PTPN2: variants seen among roughly 807,000 people sequenced by gnomAD.
PTPN2 encodes protein tyrosine phosphatase non-receptor type 2.
In PTPN2, 19 loss-of-function variants were observed where a neutral mutation model predicts 57.3. That is an observed-to-expected ratio of 0.33 (90% confidence interval 0.23 to 0.49). PTPN2 has a LOEUF of 0.49. PTPN2 is among the 20% of genes least tolerant of loss of function. The probability of loss-of-function intolerance (pLI) is 0.99; values close to 1 mark genes in which losing one functional copy is unlikely to be tolerated. For synonymous variants in PTPN2, 153 were observed against 164.9 expected (o/e 0.93, Z 0.55); for missense variants, 358 against 501.1 (o/e 0.71, Z 2.73).
chr18:12,858,868 T>C (rs1013648907), intron 2 of PTPN2, among the ~76,000 whole-genome samples: 5 of 152,196 alleles, frequency 3.3e-5, no homozygotes, highest in Non-Finnish European at 7.4e-5. Flanking sequence ...ATGGATATTA[T>C]ATAGACATCT....
At chr18:12,789,354 G>C (rs1429272000), downstream of PTPN2, among the ~76,000 whole-genome samples, 1 of 152,178 alleles carries the variant, frequency 6.6e-6, no homozygotes, top group Non-Finnish European at 1.5e-5. Flanking sequence ...GTCAACTCCA[G>C]AGTAAACCAT....
At chr18:12,849,068 T>G (rs2043305518) in intron 2 of PTPN2, among the ~76,000 whole-genome samples, 1 of 152,250 alleles carries the variant, frequency 6.6e-6, no homozygotes, top group Admixed American at 6.5e-5. Context: ...TCCCAATATT[T>G]TTTTAAAACA....
rs548734240 is a variant in PTPN2, at chr18:12,874,712, G to A, written c.69+9361C>T. 5.3e-5 allele frequency among the ~76,000 whole-genome samples: 8 copies of A among 150,996 alleles called. No homozygotes were observed. The East Asian group carries it at 5.9e-4, about 11-fold the overall frequency. ...GGGTCAACCCCTCGCCCGGCCAGCC[G>A]CCCCACCCGGGAGGTGAGGGGCGCC... On this transcript the variant is annotated intron_variant, in intron 1 of 8. Coordinates refer to ENST00000309660, the MANE Select transcript of PTPN2 (RefSeq NM_002828.4).
At chr18:12,835,404 T>A (rs1418256318) in intron 3 of PTPN2, among the ~76,000 whole-genome samples, 1 of 129,468 alleles carries the variant, frequency 7.7e-6, no homozygotes, top group Non-Finnish European at 1.7e-5. Context: ...TTTGGACAGT[T>A]TTGCTCTTTC....
At chr18:12,822,708 G>A (rs967695562) in intron 5 of PTPN2, among the ~76,000 whole-genome samples, 1 of 152,120 alleles carries the variant, frequency 6.6e-6, no homozygotes, top group Non-Finnish European at 1.5e-5. Flanking sequence ...TGCGTGTTGA[G>A]ATTGGCTATC....
At chr18:12,843,490 C>T (rs1201599666) in intron 2 of PTPN2, among the ~76,000 whole-genome samples, 2 of 152,164 alleles carry the variant, frequency 1.3e-5, no homozygotes, top group African/African-American at 2.4e-5. Context: ...TGGACTCCAG[C>T]ACTCCCCCAC....
At chr18:12,787,289 T>A (rs1221117273), downstream of PTPN2, 2 of 152,186 alleles carry the variant, frequency 1.3e-5, no homozygotes, top group African/African-American at 4.8e-5. Context: ...AGAAAAAGTA[T>A]GAGGTTTGGA....
downstream of PTPN2, among the ~76,000 whole-genome samples, chr18:12,789,850 ATCTC>A (rs200958252): frequency 5.4e-5 from 7 of 130,224 alleles, no homozygotes; most frequent in Admixed American, 3.9e-4. Context: ...TATTTTATAT[ATCTC>A]TCTGTATGTG....
intron 9 of PTPN2, chr18:12,786,369 G>A (rs2040843808): frequency 6.6e-6 from 1 of 152,608 alleles, no homozygotes; most frequent in Admixed American, 6.5e-5. Context: ...GTTAGCAGAT[G>A]CTTTTTGTCC....
intron 2 of PTPN2, among the ~76,000 whole-genome samples, chr18:12,852,254 G>T (rs1368054711): frequency 1.4e-5 from 2 of 145,224 alleles, no homozygotes; most frequent in Non-Finnish European, 3.0e-5. Flanking sequence ...CCAGTGAAAA[G>T]ACATGACAGT....
At chr18:12,814,126 G>C in intron 7 of PTPN2, 77 bp downstream of exon 7, 1 of 1,116,998 alleles carries the variant, frequency 9.0e-7, no homozygotes, top group Non-Finnish European at 1.3e-6. Context: ...AAAGACAAGG[G>C]CTCAAGTGGA....
At chr18:12,823,902 T>TATGG (rs2042357478) in intron 5 of PTPN2, among the ~76,000 whole-genome samples, 1 of 152,188 alleles carries the variant, frequency 6.6e-6, no homozygotes, top group Non-Finnish European at 1.5e-5. Flanking sequence ...CAAAAATCAT[T>TATGG]CTATTTTATT....
chr18:12,839,713 T>A (rs2042982990), intron 2 of PTPN2, among the ~76,000 whole-genome samples: 1 of 152,168 alleles, frequency 6.6e-6, no homozygotes, highest in Non-Finnish European at 1.5e-5. Context: ...TCATCTGCCT[T>A]AATTCTTGTC....
chr18:12,860,492 G>A (rs1316474041), intron 1 of PTPN2, among the ~76,000 whole-genome samples: 1 of 152,172 alleles, frequency 6.6e-6, no homozygotes, highest in East Asian at 1.9e-4. Context: ...AGCTACTCGG[G>A]AGGCTGAGGC....
intron 1 of PTPN2, among the ~76,000 whole-genome samples, chr18:12,865,338 A>G (rs1306611431): frequency 6.6e-6 from 1 of 151,824 alleles, no homozygotes; most frequent in Non-Finnish European, 1.5e-5. Flanking sequence ...GGGAGGCAGA[A>G]GTGGGAGGAT....
At chr18:12,815,059 G>A (rs1166391185) in intron 6 of PTPN2, among the ~76,000 whole-genome samples, 1 of 151,116 alleles carries the variant, frequency 6.6e-6, no homozygotes, top group East Asian at 2.0e-4. Flanking sequence ...ACTCCAGCCT[G>A]GGCGACAGAG....
chr18:12,794,749 G>A (rs1357767640), intron 8 of PTPN2, among the ~76,000 whole-genome samples: 12 of 152,130 alleles, frequency 7.9e-5, no homozygotes, highest in Admixed American at 7.9e-4. Context: ...AGCCTCCCAA[G>A]TAACTGAGAC....
At chr18:12,834,339 AAAG>A (rs551980011) in intron 3 of PTPN2, among the ~76,000 whole-genome samples, 3,892 of 151,468 alleles carry the variant, frequency 0.026, 67 homozygotes, top group Middle Eastern at 0.038. Flanking sequence ...AAAAAAAAAA[AAAG>A]AAAGTTATTT....
intron 5 of PTPN2, among the ~76,000 whole-genome samples, chr18:12,821,010 C>A (rs1259822733): frequency 2.0e-5 from 3 of 152,098 alleles, no homozygotes; most frequent in Non-Finnish European, 4.4e-5. Context: ...CTGTTCACAG[C>A]CTTCAAATGC....
Sources: gnomAD v4.1 joint callset for allele counts (sites outside exome capture counted in the v4.1 genomes callset) on GRCh38, gnomAD v4.1.1 for gene constraint, MANE v1.5 for transcripts, NCBI Gene and HGNC (gene_info 2026-07-23, HGNC 2026-07-21) for gene names.